ATP8B1: variants seen among roughly 807,000 people sequenced by gnomAD.
ATP8B1 encodes the protein ATPase phospholipid transporting 8B1.
In ATP8B1, 80 loss-of-function variants were observed where a neutral mutation model predicts 149.9. The ratio of observed to expected loss-of-function variants is 0.53; its 90% CI spans 0.45 to 0.64. The LOEUF is 0.64. Among genes scored for constraint, ATP8B1 ranks in the 30% least tolerant of loss-of-function variants. The probability of loss-of-function intolerance (pLI) is 0.00; values close to 1 mark genes in which losing one functional copy is unlikely to be tolerated. For missense variants in ATP8B1, 1,247 were observed against 1,552.6 expected (o/e 0.80, Z 3.31); for synonymous variants, 536 against 562.8 (o/e 0.95, Z 0.67).
chr18:57,801,949 C>T (rs12962445), intron 1 of ATP8B1: 14,657 of 152,254 alleles, frequency 0.096, 789 homozygotes, highest in Middle Eastern at 0.14. Flanking sequence ...AAGCGCGGCC[C>T]AAGTCCTCCT....
chr18:57,672,906 ATATATATATATATATATATATATAT>A (rs1911311887), intron 16 of ATP8B1, among the ~76,000 whole-genome samples: 17 of 73,654 alleles, frequency 2.3e-4, no homozygotes, highest in South Asian at 2.0e-3. Flanking sequence ...ATATATATAT[ATATATATATATATATATATATATAT>A]AACATGTATA....
Position 57,668,546 on chromosome 18 carries a change from ATGTATATT to A in ATP8B1, c.2098-14_2098-7del. 1 of 764,194 alleles carries A rather than the reference ATGTATATT, an allele frequency of 1.3e-6. No individual in the cohort carries two copies. 47.3% of individuals were successfully genotyped at this position (764,194 alleles called of 1,614,324 possible). ...ATAGCTGTAGCTCCCAGGAGCTAGA[ATGTATATT>A]AAAAAAAAAAAAAAAAGGAATTAGC... On this transcript the variant is annotated splice_polypyrimidine_tract_variant and splice_region_variant and intron_variant, in intron 18 of 27. Coordinates refer to ENST00000648908, the MANE Select transcript of ATP8B1 (RefSeq NM_001374385.1).
chr18:57,772,326 G>A (rs2080270410), intron 1 of ATP8B1, among the ~76,000 whole-genome samples: 2 of 152,156 alleles, frequency 1.3e-5, no homozygotes, highest in South Asian at 4.1e-4. Flanking sequence ...TGCTGAGTTG[G>A]CCTTGAAGGT....
chr18:57,680,286 A>AAAAAAAAAAAAAAAAAG (rs1911871436), intron 15 of ATP8B1, among the ~76,000 whole-genome samples: 2 of 143,698 alleles, frequency 1.4e-5, no homozygotes, highest in Non-Finnish European at 3.0e-5. Context: ...TCAAAAAAAA[A>AAAAAAAAAAAAAAAAAG]AAAAAAAAAA....
At chr18:57,707,982 C>A (rs1391968868) in intron 2 of ATP8B1, among the ~76,000 whole-genome samples, 1 of 150,664 alleles carries the variant, frequency 6.6e-6, no homozygotes, top group African/African-American at 2.4e-5. Context: ...CATGGTGAAA[C>A]CCCGTCTCTA....
chr18:57,686,373 T>C (rs1230947494), intron 13 of ATP8B1, among the ~76,000 whole-genome samples: 1 of 152,050 alleles, frequency 6.6e-6, no homozygotes, highest in Non-Finnish European at 1.5e-5. Context: ...TTTCACTCTG[T>C]CACCCAGGCT....
chr18:57,691,745 T>G, intron 12 of ATP8B1, 62 bp downstream of exon 12: 1 of 1,575,230 alleles, frequency 6.3e-7, no homozygotes, highest in Non-Finnish European at 8.7e-7. Context: ...ATGAAGGCAC[T>G]ATGTTGGGAG....
chr18:57,720,928 TG>T (rs2079639164), intron 2 of ATP8B1, among the ~76,000 whole-genome samples: 1 of 148,682 alleles, frequency 6.7e-6, no homozygotes, highest in South Asian at 2.2e-4. Context: ...CAGAAGAGAG[TG>T]GGGGCCAGTA....
intron 2 of ATP8B1, among the ~76,000 whole-genome samples, chr18:57,709,655 C>CT (rs1318631747): frequency 2.0e-5 from 3 of 151,656 alleles, no homozygotes; most frequent in Non-Finnish European, 4.4e-5. Context: ...GCCCCATTTT[C>CT]TTTTTTTGTC....
intron 1 of ATP8B1, among the ~76,000 whole-genome samples, chr18:57,739,450 T>G (rs1485470664): frequency 3.3e-5 from 5 of 152,208 alleles, no homozygotes. Flanking sequence ...TAAACATGCA[T>G]TTGCTTTCAT....
chr18:57,783,396 C>T (rs2080375755), intron 1 of ATP8B1, among the ~76,000 whole-genome samples: 2 of 152,268 alleles, frequency 1.3e-5, no homozygotes, highest in South Asian at 4.1e-4. Context: ...TATGGTTTAA[C>T]AAACAAGTCT....
chr18:57,672,971 A>T (rs1911349674), intron 16 of ATP8B1, among the ~76,000 whole-genome samples: 1 of 94,978 alleles, frequency 1.1e-5, no homozygotes, highest in Non-Finnish European at 2.0e-5. Context: ...ATATCTACAT[A>T]TATACACACA....
At chr18:57,775,088 T>C (rs766596649) in intron 1 of ATP8B1, among the ~76,000 whole-genome samples, 1 of 151,782 alleles carries the variant, frequency 6.6e-6, no homozygotes, top group Non-Finnish European at 1.5e-5. Flanking sequence ...CCAAGAGGGG[T>C]GCACTGCTTG....
intron 15 of ATP8B1, among the ~76,000 whole-genome samples, chr18:57,682,837 G>A (rs563124281): frequency 6.6e-6 from 1 of 152,148 alleles, no homozygotes; most frequent in African/African-American, 2.4e-5. Context: ...TATACATTTA[G>A]GTGTTTTTTG....
chr18:57,695,329 C>T lies in ATP8B1; in HGVS notation c.782G>A (p.Gly261Asp). 3.8e-6 allele frequency: 6 copies of T among 1,597,838 alleles called. No individual in the cohort carries two copies. Among genetic ancestry groups the T allele is most frequent in the Non-Finnish European group, 5.1e-6 (6 of 1,165,654 alleles). Residue 261 changes from glycine to aspartate, a missense_variant and splice_region_variant, in exon 10 of 28, where the codon GGT becomes GAT. Coordinates refer to ENST00000648908, the MANE Select transcript of ATP8B1 (RefSeq NM_001374385.1). ...QREDTLATFD[G>D]FIECEEPNNR... ...ATTGGGTTCTTCACATTCAATAAAACCTTTTAAAAATATAAGATTCACATA... is the reference window on the plus strand; with the variant it reads ...ATTGGGTTCTTCACATTCAATAAAATCTTTTAAAAATATAAGATTCACATA...
In ATP8B1 at chr18:57,655,224, C is replaced by T. The variant is rs1324824195; in HGVS notation, c.2901G>A (p.Trp967Ter). 6.2e-7 allele frequency: 1 copy of T among 1,613,382 alleles called. No homozygotes were observed. The highest frequency in any genetic ancestry group is 8.5e-7 in the Non-Finnish European group (1 of 1,179,526). ...CAGAGTAGCCATTGAAGAAGGAGTA[C>T]CAGAAATGAACCAAAGTAAAGGCAA... The part of the protein sequence containing the change: ...KNFAFTLVHF[W>*]YSFFNGYSAQ... Residue 967 changes from tryptophan (W) to a stop codon, truncating the protein, a stop_gained, in exon 23 of 28, where the codon TGG (tryptophan) becomes TGA (stop). Transcript: ENST00000648908. LOFTEE classifies it high-confidence loss of function.
At chr18:57,675,901 T>C (rs1435856791) in intron 15 of ATP8B1, among the ~76,000 whole-genome samples, 2 of 152,104 alleles carry the variant, frequency 1.3e-5, no homozygotes, top group Non-Finnish European at 2.9e-5. Flanking sequence ...GAGACGGGGT[T>C]TCACCATGTT....
rs763398633 is a variant in ATP8B1, at chr18:57,648,512, C to G, written c.3732G>C (p.Glu1244Asp). The G allele has an allele frequency of 6.2e-7, 1 of 1,611,386 alleles. No individual in the cohort carries two copies. Among genetic ancestry groups the G allele is most frequent in the Non-Finnish European group, 8.5e-7 (1 of 1,179,992 alleles). Residue 1244 changes from glutamate to aspartate, a missense_variant, in exon 28 of 28, where the codon GAG becomes GAC. This residue lies in a region of ATP8B1 where 164 missense variants were observed against 160.3 expected (regional missense o/e 1.02). Coordinates refer to ENST00000648908, the MANE Select transcript of ATP8B1 (RefSeq NM_001374385.1). The stretch of plus-strand genomic sequence containing the variant: ...ATCAGCTGTCCCCGGTGCGCCTGTA[C>G]TCCGCGGTGCCATCCGCCACGATGG... ...LDAIVADGTA[E>D]YRRTGDS is the part of the protein sequence containing the mutation.
chr18:57,688,479 G>T lies in ATP8B1; in HGVS notation c.1249C>A (p.His417Asn). The T allele has an allele frequency of 6.2e-7, 1 of 1,614,158 alleles. No homozygotes were observed. Among genetic ancestry groups the T allele is most frequent in the South Asian group, 1.1e-5 (1 of 91,068 alleles). ...ATTTGCAGGTCCCAGTTGATGAAGT[G>T]ACTCTGTCCAAGACGAATCACTTCC... ...SVEVIRLGQS[H>N]FINWDLQMYY... The change falls in exon 13 of 28, where the codon CAC (histidine) becomes AAC (asparagine). Residue 417 changes from histidine (H) to asparagine (N), a missense_variant. His to Asn is a moderately conservative substitution (Grantham distance 68). Transcript: ENST00000648908.
Sources: gnomAD v4.1 joint callset for allele counts (sites outside exome capture counted in the v4.1 genomes callset) on GRCh38, gnomAD v4.1.1 for gene constraint, gnomAD v4.1.1 regional missense constraint, MANE v1.5 for transcripts, NCBI Gene and HGNC (gene_info 2026-07-23, HGNC 2026-07-21) for gene names.